Variants in SPAG11A observed in about 807,000 individuals in gnomAD.
The protein encoded by SPAG11A is sperm associated antigen 11A, also known as sperm-associated antigen 11A.
A neutral mutation model predicts 5.5 loss-of-function variants in SPAG11A; 2 were observed. The ratio of observed to expected loss-of-function variants is 0.37; its 90% CI spans 0.15 to 1.15. SPAG11A has a LOEUF of 1.15. Ranked by LOEUF, SPAG11A falls within the 50% of genes most tolerant of loss-of-function variation. SPAG11A has a pLI of 0.38. For missense variants in SPAG11A, 24 were observed against 122.5 expected (o/e 0.20, Z 3.80); for synonymous variants, 11 against 42.7 (o/e 0.26, Z 2.90).
At position 7,848,845 on chromosome 8, in the gene SPAG11A, TGA is replaced by T. The variant is rs1304407248; in HGVS notation, c.214+4_214+5del. On this transcript the variant is annotated splice_donor_region_variant and intron_variant, in intron 2 of 2. Coordinates refer to ENST00000642566, the Ensembl canonical transcript of SPAG11A. The stretch of plus-strand genomic sequence containing the variant: ...CACCGCGCACCCCACCTTACCAAGG[TGA>T]GTCAGGGACCAACACGTGCAACAAG... 1 of 595,864 alleles carries T rather than the reference TGA, an allele frequency of 1.7e-6. No homozygotes were observed. Among genetic ancestry groups the T allele is most frequent in the Admixed American group, 3.4e-5 (1 of 29,422 alleles). 36.9% of individuals were successfully genotyped at this position (595,864 alleles called of 1,614,324 possible).
chr8:7,852,868 T>TC, intron 2 of SPAG11A, among the ~76,000 whole-genome samples: 1 of 80,572 alleles, frequency 1.2e-5, no homozygotes, highest in East Asian at 3.3e-4. Context: ...TTTTTTTTTT[T>TC]TTTTACTATT....
intron 2 of SPAG11A, among the ~76,000 whole-genome samples, chr8:7,860,138 T>A (rs1352231618): frequency 1.3e-5 from 2 of 148,620 alleles, no homozygotes; most frequent in African/African-American, 4.9e-5. Context: ...CCTGTTGTTA[T>A]AAAAATTTAG....
downstream of SPAG11A, among the ~76,000 whole-genome samples, chr8:7,862,737 CGGAAGGGAAG>C (rs1190649883): frequency 1.7e-5 from 2 of 119,946 alleles, no homozygotes; most frequent in African/African-American, 5.6e-5. Context: ...GAAGCAAACA[CGGAAGGGAAG>C]GGAAGGGAAG....
At chr8:7,852,480 T>A (rs1328755155) in intron 2 of SPAG11A, among the ~76,000 whole-genome samples, 1 of 152,138 alleles carries the variant, frequency 6.6e-6, no homozygotes, top group Admixed American at 6.6e-5. Flanking sequence ...ATTACAGGTG[T>A]CCACCACCAT....
intron 2 of SPAG11A, among the ~76,000 whole-genome samples, chr8:7,860,172 C>T (rs2128928643): frequency 6.7e-6 from 1 of 148,618 alleles, no homozygotes; most frequent in East Asian, 2.1e-4. Context: ...ACTTACAAGC[C>T]CACAGGTCCT....
chr8:7,860,002 G>T (rs1312665000), intron 2 of SPAG11A, among the ~76,000 whole-genome samples: 1 of 150,378 alleles, frequency 6.6e-6, no homozygotes, highest in African/African-American at 2.4e-5. Context: ...TCCTAATCAC[G>T]CAAGACCAAC....
intron 2 of SPAG11A, chr8:7,860,215 G>A (rs1442220243): frequency 2.6e-5 from 18 of 703,856 alleles, no homozygotes; most frequent in Admixed American, 2.4e-4. Flanking sequence ...TCTCCTTTTC[G>A]TTGTAGGACA....
downstream of SPAG11A, among the ~76,000 whole-genome samples, chr8:7,861,251 C>T (rs2128929009): frequency 9.5e-6 from 1 of 105,296 alleles, no homozygotes; most frequent in Admixed American, 1.1e-4. Flanking sequence ...CTTTATGCGT[C>T]CTCAAGCAAT....
intron 2 of SPAG11A, among the ~76,000 whole-genome samples, chr8:7,852,431 C>G (rs1817959620): frequency 6.6e-6 from 1 of 152,286 alleles, no homozygotes; most frequent in South Asian, 2.1e-4. Context: ...CTCCCAGGTT[C>G]AAGCAATTCT....
rs756667052 is a variant in SPAG11A, at chr8:7,860,373, G to T, written c.215-273G>T. On this transcript the variant is annotated intron_variant, in intron 2 of 2. Transcript: ENST00000642566. The stretch of plus-strand genomic sequence containing the variant: ...GCACATCTCTCACCAGGAGGCTCGA[G>T]GACCCTCATTTAAGATCTGCGTGGG... 4 of 1,429,866 alleles carry T rather than the reference G, an allele frequency of 2.8e-6. 1 individual carries two copies. Among genetic ancestry groups the T allele is most frequent in the East Asian group, 3.3e-5 (1 of 30,278 alleles). 88.6% of individuals were successfully genotyped at this position (1,429,866 alleles called of 1,614,324 possible).
chr8:7,852,062 G>A (rs1817939622), intron 2 of SPAG11A, among the ~76,000 whole-genome samples: 1 of 129,388 alleles, frequency 7.7e-6, no homozygotes, highest in African/African-American at 2.8e-5. Context: ...TATTTTCTCA[G>A]TTGCTTGATG....
intron 2 of SPAG11A, 100 bp from the exon 3 acceptor site, chr8:7,860,546 G>C: frequency 1.5e-6 from 2 of 1,361,316 alleles, no homozygotes; most frequent in Admixed American, 2.1e-5. Context: ...AAAATACTTA[G>C]CCTTGTCAGA....
intron 2 of SPAG11A, among the ~76,000 whole-genome samples, chr8:7,852,452 C>G (rs1190073612): frequency 1.3e-5 from 2 of 152,174 alleles, no homozygotes; most frequent in African/African-American, 4.8e-5. Context: ...CCTGCCTCAG[C>G]CTTCCTAAGT....
chr8:7,852,269 C>G (rs1248092718), intron 2 of SPAG11A, among the ~76,000 whole-genome samples: 1 of 152,200 alleles, frequency 6.6e-6, no homozygotes, highest in Non-Finnish European at 1.5e-5. Context: ...CATTTTTTCT[C>G]TTCTGTAAAA....
intron 2 of SPAG11A, among the ~76,000 whole-genome samples, chr8:7,857,952 C>A (rs1328229876): frequency 1.0e-5 from 1 of 100,302 alleles, no homozygotes; most frequent in Non-Finnish European, 2.5e-5. Flanking sequence ...AGACAGCTTG[C>A]AGAAAATATG....
intron 2 of SPAG11A, chr8:7,860,373 G>A (rs756667052): frequency 4.9e-6 from 7 of 1,429,866 alleles, no homozygotes; most frequent in South Asian, 1.4e-5. Context: ...GGAGGCTCGA[G>A]GACCCTCATT....
intron 2 of SPAG11A, among the ~76,000 whole-genome samples, chr8:7,854,441 A>G (rs1372772103): frequency 2.8e-5 from 4 of 145,076 alleles, no homozygotes. Flanking sequence ...AAAAATAAAT[A>G]AAAATTTTAT....
chr8:7,852,876 A>AT (rs1817992389), intron 2 of SPAG11A, among the ~76,000 whole-genome samples: 1 of 62,268 alleles, frequency 1.6e-5, no homozygotes, highest in African/African-American at 4.3e-5. Flanking sequence ...TTTTTTTACT[A>AT]TTTTTGGATT....
At chr8:7,858,299 T>C (rs1482179437) in intron 2 of SPAG11A, among the ~76,000 whole-genome samples, 3 of 116,266 alleles carry the variant, frequency 2.6e-5, no homozygotes, top group African/African-American at 7.9e-5. Flanking sequence ...CCACACATTA[T>C]ATAAACCCAC....
Sources: gnomAD v4.1 joint callset for allele counts (sites outside exome capture counted in the v4.1 genomes callset) on GRCh38, gnomAD v4.1.1 for gene constraint, MANE v1.5 for transcripts, NCBI Gene and HGNC (gene_info 2026-07-23, HGNC 2026-07-21) for gene names.